CTHRC1: variants seen among roughly 807,000 people sequenced by gnomAD.
CTHRC1 encodes the protein collagen triple helix repeat containing 1.
CTHRC1 carries 21 observed loss-of-function variants against 25.9 expected under a neutral mutation model. That is an observed-to-expected ratio of 0.81 (90% confidence interval 0.57 to 1.17). CTHRC1 has a LOEUF of 1.17. Among genes scored for constraint, CTHRC1 ranks in the 50% most tolerant of loss-of-function variants. The probability of loss-of-function intolerance (pLI) is 0.00; values close to 1 mark genes in which losing one functional copy is unlikely to be tolerated. For missense variants in CTHRC1, 281 were observed against 304.3 expected (o/e 0.92, Z 0.57); for synonymous variants, 109 against 113.1 (o/e 0.96, Z 0.23).
At chr8:103,377,204 A>G (rs897041649) in intron 2 of CTHRC1, 1 of 152,238 alleles carries the variant, frequency 6.6e-6, no homozygotes, top group Non-Finnish European at 1.5e-5. Flanking sequence ...TCATATAGAT[A>G]AAGACTAAAA....
At position 103,375,864 on chromosome 8, in the gene CTHRC1, T is replaced by G. The variant is rs149006532; in HGVS notation, c.277T>G (p.Cys93Gly). 6.2e-7 allele frequency: 1 copy of G among 1,613,946 alleles called. No homozygotes were observed. Among genetic ancestry groups the G allele is most frequent in the African/African-American group, 1.3e-5 (1 of 74,876 alleles). The stretch of plus-strand genomic sequence containing the variant: ...TGGATTCAAAGGAGAAAAGGGGGAA[T>G]GTCTGAGGGAAAGCTTTGAGGAGTC... ...RDGFKGEKGE[C>G]LRESFEESWT... is the part of the protein sequence containing the mutation. The change falls in exon 2 of 4, where the codon TGT becomes GGT. Residue 93 changes from cysteine (C) to glycine (G), a missense_variant. Coordinates refer to ENST00000330295, the MANE Select transcript of CTHRC1 (RefSeq NM_138455.4).
At chr8:103,378,879 A>G (rs748306175) in intron 3 of CTHRC1, among the ~76,000 whole-genome samples, 1 of 152,046 alleles carries the variant, frequency 6.6e-6, no homozygotes, top group Admixed American at 6.6e-5. Context: ...ATTAGTCCCA[A>G]CTACTATGGA....
chr8:103,375,682 G>A, intron 1 of CTHRC1, 56 bp from the exon 2 acceptor site: 1 of 1,413,030 alleles, frequency 7.1e-7, no homozygotes, highest in Non-Finnish European at 1.0e-6. Flanking sequence ...TAATCATACT[G>A]AGTCTTTGAC....
In CTHRC1 at chr8:103,378,010, T is replaced by C; in HGVS notation, c.373-17T>C. 6.3e-7 allele frequency: 1 copy of C among 1,584,398 alleles called. No homozygotes were observed. The highest frequency in any genetic ancestry group is 8.7e-7 in the Non-Finnish European group (1 of 1,152,826). ...ATAGAAAATGTTAATTAAATCCCATTTCTATGTTTGTGACAGGAGTGTACA... is the reference window on the plus strand; with the variant it reads ...ATAGAAAATGTTAATTAAATCCCATCTCTATGTTTGTGACAGGAGTGTACA... On this transcript the variant is annotated splice_polypyrimidine_tract_variant and intron_variant, in intron 2 of 3. Transcript: ENST00000330295.
intron 1 of CTHRC1, among the ~76,000 whole-genome samples, chr8:103,373,188 A>G (rs1815741281): frequency 6.6e-6 from 1 of 152,224 alleles, no homozygotes; most frequent in Non-Finnish European, 1.5e-5. Flanking sequence ...TCAAGGATTT[A>G]CAGTACCTGT....
intron 2 of CTHRC1, among the ~76,000 whole-genome samples, chr8:103,377,813 AG>A (rs1481187202): frequency 2.6e-5 from 4 of 152,154 alleles, no homozygotes; most frequent in Non-Finnish European, 5.9e-5. Context: ...CATGTTGGCC[AG>A]GCTTGTCTCT....
At chr8:103,377,937 G>A in intron 2 of CTHRC1, 90 bp from the exon 3 acceptor site, 1 of 1,096,618 alleles carries the variant, frequency 9.1e-7, no homozygotes, top group Non-Finnish European at 1.4e-6. Flanking sequence ...TTGGGGAAAA[G>A]GATAGTTAAG....
intron 1 of CTHRC1, among the ~76,000 whole-genome samples, chr8:103,374,765 T>G (rs1031016737): frequency 3.3e-5 from 5 of 152,206 alleles, no homozygotes; most frequent in African/African-American, 1.2e-4. Flanking sequence ...ATTTTATATA[T>G]TATTCACTTA....
chr8:103,382,390 T>C (rs1439433150), intron 3 of CTHRC1, 68 bp from the exon 4 acceptor site: 5 of 1,528,294 alleles, frequency 3.3e-6, no homozygotes, highest in African/African-American at 1.4e-5. Flanking sequence ...TCTGAAGTTA[T>C]AAAATTTAAC....
rs1334737197 is a variant in CTHRC1, at chr8:103,371,620, C to G, written c.-37C>G. On this transcript the variant is annotated 5_prime_UTR_variant, in exon 1 of 4. Coordinates refer to ENST00000330295, the MANE Select transcript of CTHRC1 (RefSeq NM_138455.4). ...ACCACGTTCCTCTCCTCGGTCTCCTCCGCCTCCAGCTCCGCGCTGCCCGGC... is the reference window on the plus strand; with the variant it reads ...ACCACGTTCCTCTCCTCGGTCTCCTGCGCCTCCAGCTCCGCGCTGCCCGGC... 4 of 1,527,808 alleles carry G rather than the reference C, an allele frequency of 2.6e-6. No individual in the cohort carries two copies. The East Asian group carries it at 1.0e-4, about 40-fold the overall frequency. The allele number at this position is 1,527,808 out of a possible 1,614,324, so 94.6% of individuals were successfully genotyped here.
chr8:103,379,715 T>C (rs1331244140), intron 3 of CTHRC1, among the ~76,000 whole-genome samples: 1 of 152,124 alleles, frequency 6.6e-6, no homozygotes, highest in African/African-American at 2.4e-5. Flanking sequence ...TTAAAAATGG[T>C]TGAGGGGAGG....
At position 103,378,015 on chromosome 8, in the gene CTHRC1, T is replaced by A. The variant is rs754161448; in HGVS notation, c.373-12T>A. On this transcript the variant is annotated splice_polypyrimidine_tract_variant and intron_variant, in intron 2 of 3. Transcript: ENST00000330295. Reference sequence around the variant, plus strand: ...AAATGTTAATTAAATCCCATTTCTATGTTTGTGACAGGAGTGTACATTTAC... The same window carrying A: ...AAATGTTAATTAAATCCCATTTCTAAGTTTGTGACAGGAGTGTACATTTAC... 6.3e-7 allele frequency: 1 copy of A among 1,593,284 alleles called. No individual in the cohort carries two copies. The highest frequency in any genetic ancestry group is 8.6e-7 in the Non-Finnish European group (1 of 1,160,962).
chr8:103,372,326 A>G lies in CTHRC1; in HGVS notation c.150+520A>G, dbSNP rs191588475. 3.7e-6 allele frequency: 3 copies of G among 816,252 alleles called. No individual in the cohort carries two copies. The Admixed American group carries it at 9.4e-5, about 25-fold the overall frequency. The allele number at this position is 816,252 out of a possible 1,614,324, so 50.6% of individuals were successfully genotyped here. ...AACAACCCCCACAAAGCATCCGTCC[A>G]ACTCTTTGTAACTTGAAGACTATGA... On this transcript the variant is annotated intron_variant, in intron 1 of 3. Coordinates refer to ENST00000330295, the MANE Select transcript of CTHRC1 (RefSeq NM_138455.4).
At chr8:103,374,359 ATATAGT>A (rs1461082244) in intron 1 of CTHRC1, among the ~76,000 whole-genome samples, 4 of 152,250 alleles carry the variant, frequency 2.6e-5, no homozygotes, top group South Asian at 2.1e-4. Flanking sequence ...TCATTGGGAA[ATATAGT>A]TATACAGAAT....
At chr8:103,376,724 T>C (rs1229872814) in intron 2 of CTHRC1, among the ~76,000 whole-genome samples, 1 of 152,214 alleles carries the variant, frequency 6.6e-6, no homozygotes, top group Non-Finnish European at 1.5e-5. Context: ...ATCAAGCAAT[T>C]ACAAGAAATT....
At chr8:103,375,700 T>G (rs1192950827) in intron 1 of CTHRC1, 38 bp from the exon 2 acceptor site, 4 of 1,528,658 alleles carry the variant, frequency 2.6e-6, no homozygotes, top group African/African-American at 2.7e-5. Flanking sequence ...GACTCTTAAG[T>G]GGTGAGAGTT....
At chr8:103,378,308 C>A in intron 3 of CTHRC1, 65 bp downstream of exon 3, 2 of 1,332,058 alleles carry the variant, frequency 1.5e-6, no homozygotes, top group Non-Finnish European at 2.1e-6. Flanking sequence ...TTGAGTCCCA[C>A]TATCATGTTG....
intron 2 of CTHRC1, chr8:103,377,216 C>A (rs2130402387): frequency 6.6e-6 from 1 of 152,210 alleles, no homozygotes; most frequent in African/African-American, 2.4e-5. Context: ...AGACTAAAAA[C>A]CCTGCCTATC....
In CTHRC1 at chr8:103,378,178, TA is replaced by T; in HGVS notation, c.526del (p.Ile176PhefsTer10). ...ECSGPLPIEA[I>X]IYLDQGSPEM... ...TCAGGACCTCTTCCCATTGAAGCTA[TA>T]ATTTATTTGGACCAAGGAAGCCCTG... On this transcript the variant is annotated frameshift_variant, in exon 3 of 4. Coordinates refer to ENST00000330295, the MANE Select transcript of CTHRC1 (RefSeq NM_138455.4). LOFTEE classifies it high-confidence loss of function. 1.2e-6 allele frequency: 2 copies of T among 1,614,198 alleles called. No individual in the cohort carries two copies. Among genetic ancestry groups the T allele is most frequent in the Non-Finnish European group, 1.7e-6 (2 of 1,180,022 alleles).
Sources: allele counts gnomAD v4.1 joint callset (sites outside exome capture counted in the v4.1 genomes callset), GRCh38; gene constraint gnomAD v4.1.1; transcripts MANE v1.5; gene names NCBI Gene and HGNC (gene_info 2026-07-23, HGNC 2026-07-21).